Variants in SHCBP1 observed in about 807,000 individuals in gnomAD.
SHCBP1 encodes SHC SH2 domain-binding protein 1.
A neutral mutation model predicts 75.1 loss-of-function variants in SHCBP1; 60 were observed. That is an observed-to-expected ratio of 0.80 (90% CI 0.65 to 0.99). The LOEUF is 0.99. SHCBP1 is among the 50% of genes least tolerant of loss of function. The pLI is 0.00. For synonymous variants in SHCBP1, 290 were observed against 293.2 expected (o/e 0.99, Z 0.11); for missense variants, 709 against 809.4 (o/e 0.88, Z 1.50).
At chr16:46,598,470 T>C (rs1254152176) in intron 9 of SHCBP1, among the ~76,000 whole-genome samples, 1 of 152,184 alleles carries the variant, frequency 6.6e-6, no homozygotes, top group East Asian at 1.9e-4. Context: ...AGGAATTTTT[T>C]TTTTCAGTAG....
chr16:46,605,223 T>C (rs1240859503), intron 5 of SHCBP1, among the ~76,000 whole-genome samples: 1 of 152,194 alleles, frequency 6.6e-6, no homozygotes, highest in African/African-American at 2.4e-5. Context: ...ATACAGAGTA[T>C]TTCTAGATGC....
intron 10 of SHCBP1, among the ~76,000 whole-genome samples, chr16:46,586,099 C>G (rs1596669515): frequency 6.6e-6 from 1 of 152,130 alleles, no homozygotes; most frequent in Non-Finnish European, 1.5e-5. Flanking sequence ...TACCAAGAAT[C>G]AGGAAAATGT....
intron 4 of SHCBP1, among the ~76,000 whole-genome samples, chr16:46,612,289 T>C (rs191436956): frequency 3.9e-4 from 59 of 152,302 alleles, no homozygotes; most frequent in Non-Finnish European, 1.6e-4. Context: ...TTGAGCATAA[T>C]TTCAGAGATG....
At chr16:46,600,530 C>T (rs971037552) in intron 8 of SHCBP1, among the ~76,000 whole-genome samples, 1 of 152,174 alleles carries the variant, frequency 6.6e-6, no homozygotes, top group Admixed American at 6.5e-5. Flanking sequence ...CTTTAAAGCA[C>T]TCACCCTTAG....
chr16:46,608,984 TGA>T (rs1250863219), intron 4 of SHCBP1, among the ~76,000 whole-genome samples: 1 of 152,068 alleles, frequency 6.6e-6, no homozygotes, highest in Non-Finnish European at 1.5e-5. Flanking sequence ...CAAAAAACAC[TGA>T]GAGAGAAACA....
intron 5 of SHCBP1, among the ~76,000 whole-genome samples, chr16:46,605,673 A>AT (rs1965315565): frequency 6.6e-6 from 1 of 152,160 alleles, no homozygotes; most frequent in Admixed American, 6.5e-5. Flanking sequence ...ATACAAGGGT[A>AT]TTTTTTTAAG....
chr16:46,599,933 C>G lies in SHCBP1; in HGVS notation c.1243G>C (p.Glu415Gln). ...GYGLPDDIVIEKRGKGDTFVD... is the reference protein window; with the variant it reads ...GYGLPDDIVIQKRGKGDTFVD... ...AAAGTGTCGCCTTTGCCCCTCTTTT[C>G]TATCACAATGTCATCTGGTAGGCCA... Residue 415 changes from glutamate to glutamine, a missense_variant, in exon 9 of 13, where the codon GAA becomes CAA. Physicochemically the swap from Glu to Gln is conservative, Grantham distance 29 (BLOSUM62 2). Transcript: ENST00000303383. 1 of 1,613,494 alleles carries G rather than the reference C, an allele frequency of 6.2e-7. No homozygotes were observed. The highest frequency in any genetic ancestry group is 8.5e-7 in the Non-Finnish European group (1 of 1,179,814).
rs1353002440 is a variant in SHCBP1, at chr16:46,584,043, T to A, written c.1511A>T (p.Asp504Val). ...IYPGSQCTLS[D>V]NGIHHCKEGI... ...TTCCTTGCAGTGATGGATCCCATTG[T>A]CACTCAGGGTGCACTGACTCCCAGG... is the stretch of plus-strand genomic sequence containing the variant. Residue 504 changes from aspartate (D) to valine (V), a missense_variant, in exon 11 of 13, where the codon GAC (aspartate) becomes GTC (valine). Coordinates refer to ENST00000303383, the MANE Select transcript of SHCBP1 (RefSeq NM_024745.5). The A allele has an allele frequency of 1.2e-6, 2 of 1,606,762 alleles. No homozygotes were observed. The highest frequency in any genetic ancestry group is 1.7e-6 in the Non-Finnish European group (2 of 1,176,204).
chr16:46,584,661 A>G (rs1327843669), intron 10 of SHCBP1, among the ~76,000 whole-genome samples: 1 of 152,206 alleles, frequency 6.6e-6, no homozygotes, highest in Non-Finnish European at 1.5e-5. Context: ...TTCAAGTGTC[A>G]TTCAAACAGA....
chr16:46,603,486 T>C, intron 8 of SHCBP1, 53 bp downstream of exon 8: 1 of 1,604,316 alleles, frequency 6.2e-7, no homozygotes, highest in African/African-American at 1.3e-5. Context: ...TGATTTATTG[T>C]TTACTTAAAC....
At chr16:46,586,081 C>G (rs1282133498) in intron 10 of SHCBP1, among the ~76,000 whole-genome samples, 1 of 152,106 alleles carries the variant, frequency 6.6e-6, no homozygotes, top group Non-Finnish European at 1.5e-5. Context: ...TTTGAAAATC[C>G]CTTGTCATAC....
rs1240437635 is a variant in SHCBP1, at chr16:46,617,738, C to G, written c.283G>C (p.Ala95Pro). 1.2e-6 allele frequency: 2 copies of G among 1,612,114 alleles called. No homozygotes were observed. Among genetic ancestry groups the G allele is most frequent in the Non-Finnish European group, 1.7e-6 (2 of 1,179,676 alleles). ...YQDYILADCK[A>P]SEVQEFTAEF... is the part of the protein sequence containing the mutation. ...GCTGTGAATTCCTGTACCTCAGAGGCCTTGCAGTCAGCTACAAACAAATTA... is the reference window on the plus strand; with the variant it reads ...GCTGTGAATTCCTGTACCTCAGAGGGCTTGCAGTCAGCTACAAACAAATTA... The change falls in exon 3 of 13, where the codon GCC becomes CCC. Residue 95 changes from alanine to proline, a missense_variant. Ala to Pro is a conservative substitution (Grantham distance 27). Coordinates refer to ENST00000303383, the MANE Select transcript of SHCBP1 (RefSeq NM_024745.5).
Position 46,581,640 on chromosome 16 carries a change from G to T in SHCBP1, c.*89C>A. The T allele has an allele frequency of 7.5e-6, 9 of 1,193,828 alleles. No individual in the cohort carries two copies. The highest frequency in any genetic ancestry group is 1.1e-5 in the Non-Finnish European group (9 of 838,300). The allele number at this position is 1,193,828 out of a possible 1,614,324, so 74.0% of individuals were successfully genotyped here. ...CCCAAATAATCAAATATAAAATACAGACAATACAGCAAACTACAATGGCAG... is the reference window on the plus strand; with the variant it reads ...CCCAAATAATCAAATATAAAATACATACAATACAGCAAACTACAATGGCAG... On this transcript the variant is annotated 3_prime_UTR_variant, in exon 13 of 13. Transcript: ENST00000303383.
In SHCBP1 at chr16:46,581,683, G is replaced by C; in HGVS notation, c.*46C>G. 1.3e-6 allele frequency: 2 copies of C among 1,513,120 alleles called. No individual in the cohort carries two copies. The highest frequency in any genetic ancestry group is 9.1e-7 in the Non-Finnish European group (1 of 1,104,296). 93.7% of individuals were successfully genotyped at this position (1,513,120 alleles called of 1,614,324 possible). A position where few individuals can be genotyped will look rare whatever the true frequency, so the allele number is the denominator to read the frequency against. On this transcript the variant is annotated 3_prime_UTR_variant, in exon 13 of 13. Transcript: ENST00000303383. ...AATGGCAGCAGTGATTCTTAGGGCAGCATGTGCAAAATCCAGTATTTTGCT... is the reference window on the plus strand; with the variant it reads ...AATGGCAGCAGTGATTCTTAGGGCACCATGTGCAAAATCCAGTATTTTGCT...
chr16:46,608,241 A>C (rs1965353314), intron 5 of SHCBP1, 56 bp downstream of exon 5: 16 of 1,248,898 alleles, frequency 1.3e-5, no homozygotes. Flanking sequence ...GGCAAAATTA[A>C]ACCATGGGTA....
chr16:46,585,196 A>T (rs1293311311), intron 10 of SHCBP1, among the ~76,000 whole-genome samples: 1 of 152,204 alleles, frequency 6.6e-6, no homozygotes, highest in Non-Finnish European at 1.5e-5. Flanking sequence ...ACCAGCAGTC[A>T]TGTAGCAAGT....
chr16:46,620,422 C>T (rs539642040), intron 1 of SHCBP1: 1 of 152,346 alleles, frequency 6.6e-6, no homozygotes, highest in South Asian at 2.1e-4. Context: ...CTTTCTGAAA[C>T]TTCCTCTTTT....
intron 9 of SHCBP1, among the ~76,000 whole-genome samples, chr16:46,597,873 T>C (rs879564505): frequency 1.3e-5 from 2 of 152,224 alleles, no homozygotes; most frequent in African/African-American, 4.8e-5. Flanking sequence ...CTCTAAATCA[T>C]TTGTTGTCAT....
chr16:46,586,339 T>C (rs913955621), intron 10 of SHCBP1, among the ~76,000 whole-genome samples: 2 of 152,148 alleles, frequency 1.3e-5, no homozygotes, highest in Non-Finnish European at 2.9e-5. Context: ...GCTCAATGGA[T>C]GTGCTCAACA....
Sources: allele counts gnomAD v4.1 joint callset (sites outside exome capture counted in the v4.1 genomes callset), GRCh38; gene constraint gnomAD v4.1.1; transcripts MANE v1.5; gene names NCBI Gene and HGNC (gene_info 2026-07-23, HGNC 2026-07-21).